Variants in ADAMTS13 observed in about 807,000 individuals in gnomAD.
ADAMTS13 encodes A disintegrin and metalloproteinase with thrombospondin motifs 13.
Under a neutral mutation model 155.1 loss-of-function variants are expected in ADAMTS13, and 110 were observed. The observed-to-expected ratio is 0.71, with a 90% CI of 0.61 to 0.83. The LOEUF is 0.83. ADAMTS13 is among the 40% of genes least tolerant of loss of function. The pLI is 0.00. For missense variants in ADAMTS13, 1,707 were observed against 1,891.7 expected (o/e 0.90, Z 1.81); for synonymous variants, 758 against 756.4 (o/e 1.00, Z -0.03).
chr9:133,429,013 A>G (rs1377242325), intron 7 of ADAMTS13, among the ~76,000 whole-genome samples: 26 of 128,286 alleles, frequency 2.0e-4, no homozygotes, highest in African/African-American at 7.5e-4. Flanking sequence ...GTCCGTCCCC[A>G]CCTCTCCCTA....
chr9:133,445,106 G>T lies in ADAMTS13; in HGVS notation c.2610+54G>T. The T allele has an allele frequency of 6.4e-7, 1 of 1,570,124 alleles. No homozygotes were observed. Reference sequence around the variant, plus strand: ...GGGCTGTTGAGTCCTTTACCTGGCTGGGAGAACGAGGAGCACCCATTGCCA... The same window carrying T: ...GGGCTGTTGAGTCCTTTACCTGGCTTGGAGAACGAGGAGCACCCATTGCCA... On this transcript the variant is annotated intron_variant, in intron 20 of 28. Transcript: ENST00000355699. The surrounding 1 kb of genome is among the most constrained non-coding windows in gnomAD (Gnocchi z 5.0).
chr9:133,425,307 C>T lies in ADAMTS13; in HGVS notation c.331-222C>T, dbSNP rs958139370. ...TCCCCTTGCTTTGGAGTTTGTTTTCCTTGCGTTAGTTGGCCTTCCTGAGCC... is the reference window on the plus strand; with the variant it reads ...TCCCCTTGCTTTGGAGTTTGTTTTCTTTGCGTTAGTTGGCCTTCCTGAGCC... On this transcript the variant is annotated intron_variant, in intron 3 of 28. Transcript: ENST00000355699. This position sits in a 1 kb window ranked among gnomAD's most constrained non-coding sequence, Gnocchi z 4.6. 6.6e-6 allele frequency among the ~76,000 whole-genome samples: 1 copy of T among 152,210 alleles called. No individual in the cohort carries two copies. Among genetic ancestry groups the T allele is most frequent in the African/African-American group, 2.4e-5 (1 of 41,452 alleles).
intron 11 of ADAMTS13, 51 bp from the exon 12 acceptor site, chr9:133,436,778 A>ACCCCCCCCCCCC (rs1588171611): frequency 6.0e-5 from 26 of 433,922 alleles, no homozygotes; most frequent in South Asian, 9.8e-5. Flanking sequence ...CAGTGACAAC[A>ACCCCCCCCCCCC]CCCGCCCCCC....
chr9:133,459,146 AC>A lies in ADAMTS13; in HGVS notation c.4085del (p.Pro1362LeufsTer14). 6.2e-7 allele frequency: 1 copy of A among 1,612,312 alleles called. No individual in the cohort carries two copies. Among genetic ancestry groups the A allele is most frequent in the Non-Finnish European group, 8.5e-7 (1 of 1,179,680 alleles). Reference sequence around the variant, plus strand: ...CAATCATGGGTACCGGAGATGCAGGACCCTCAGTCCTGGAAGGGAAAGGAAG... The same window carrying A: ...CAATCATGGGTACCGGAGATGCAGGACCTCAGTCCTGGAAGGGAAAGGAAG... ...TLQSWVPEMQ[D>X]PQSWKGKEGT On this transcript the variant is annotated frameshift_variant, in exon 29 of 29. Coordinates refer to ENST00000355699, the MANE Select transcript of ADAMTS13 (RefSeq NM_139027.6). LOFTEE classifies it low-confidence loss of function (END_TRUNC).
intron 13 of ADAMTS13, 90 bp downstream of exon 13, chr9:133,437,987 A>T: frequency 6.3e-7 from 1 of 1,596,614 alleles, no homozygotes; most frequent in Non-Finnish European, 8.5e-7. Flanking sequence ...GCTGGCCCTG[A>T]TGGAGCTGCA....
chr9:133,439,285 G>A (rs768476380), intron 14 of ADAMTS13, 81 bp from the exon 15 acceptor site: 227 of 1,143,086 alleles, frequency 2.0e-4, no homozygotes, highest in Middle Eastern at 3.9e-4. Context: ...AATTTTTCCC[G>A]ACCAGCTAAG....
At chr9:133,442,823 G>A (rs1841777010) in intron 18 of ADAMTS13, 80 bp downstream of exon 18, 1 of 1,516,352 alleles carries the variant, frequency 6.6e-7, no homozygotes, top group Non-Finnish European at 8.8e-7. Flanking sequence ...CCTGGCCTAT[G>A]GGGCCCATGT....
intron 6 of ADAMTS13, among the ~76,000 whole-genome samples, chr9:133,428,145 T>C (rs912629325): frequency 6.7e-6 from 1 of 148,256 alleles, no homozygotes; most frequent in African/African-American, 2.5e-5. Context: ...TGTGACAGTT[T>C]GGAAACGGTT....
At position 133,432,246 on chromosome 9, in the gene ADAMTS13, CAA is replaced by C. The variant is rs1840823350; in HGVS notation, c.988-341_988-340del. Among the ~76,000 whole-genome samples the C allele has an allele frequency of 1.1e-4, 17 of 151,840 alleles. No homozygotes were observed. The South Asian group carries it at 2.9e-3, about 26-fold the overall frequency. ...CGCCATTGCCCTCCAGCCTGGGCAA[CAA>C]GAGCGAAACTGTCTCAAAAAAAAAC... On this transcript the variant is annotated intron_variant, in intron 8 of 28. Transcript: ENST00000355699.
At chr9:133,455,577 G>A (rs782053981) in intron 25 of ADAMTS13, 142 bp downstream of exon 25, 3 of 1,605,506 alleles carry the variant, frequency 1.9e-6, no homozygotes, top group South Asian at 1.1e-5. Context: ...CTCCTGCCCG[G>A]GCCCCAGGAA....
At position 133,433,715 on chromosome 9, in the gene ADAMTS13, T is replaced by C. The variant is rs782433923; in HGVS notation, c.1308+11T>C. The C allele has an allele frequency of 7.4e-6, 12 of 1,612,666 alleles. No homozygotes were observed. Among genetic ancestry groups the C allele is most frequent in the Non-Finnish European group, 1.0e-5 (12 of 1,179,964 alleles). ...ATGTGCAACACTCAGGTAGGCCTGCTTCCTGGGGTAGGAGGGGGCAGCTGG... is the reference window on the plus strand; with the variant it reads ...ATGTGCAACACTCAGGTAGGCCTGCCTCCTGGGGTAGGAGGGGGCAGCTGG... On this transcript the variant is annotated intron_variant, in intron 11 of 28. Coordinates refer to ENST00000355699, the MANE Select transcript of ADAMTS13 (RefSeq NM_139027.6).
At chr9:133,436,197 C>T (rs1039120011) in intron 11 of ADAMTS13, among the ~76,000 whole-genome samples, 2 of 151,876 alleles carry the variant, frequency 1.3e-5, no homozygotes, top group Non-Finnish European at 2.9e-5. Context: ...TAAATTCTAT[C>T]TCCTGCTTCG....
At chr9:133,423,960 T>C (rs1193831147) in intron 2 of ADAMTS13, among the ~76,000 whole-genome samples, 1 of 152,248 alleles carries the variant, frequency 6.6e-6, no homozygotes, top group African/African-American at 2.4e-5. Flanking sequence ...AAGAGACCAC[T>C]GGGCTCCACT....
chr9:133,430,342 G>C (rs935266108), intron 8 of ADAMTS13, among the ~76,000 whole-genome samples: 7 of 152,316 alleles, frequency 4.6e-5, no homozygotes, highest in African/African-American at 1.7e-4. Flanking sequence ...GTCCTGGGAG[G>C]GCCCCTGTGC....
rs201687626 is a variant in ADAMTS13 at position 133,459,011 on chromosome 9, A to T, written c.3947A>T (p.His1316Leu). The T allele has an allele frequency of 1.9e-6, 3 of 1,613,214 alleles. No individual in the cohort carries two copies. The highest frequency in any genetic ancestry group is 2.5e-6 in the Non-Finnish European group (3 of 1,179,978). ...CACAGCTTGAGGACCACAGCGTTCC[A>T]TGGGCAGCAGGTGCTCTACTGGGAG... ...DTHSLRTTAFHGQQVLYWESE... is the reference protein window; with the variant it reads ...DTHSLRTTAFLGQQVLYWESE... The change falls in exon 29 of 29, where the codon CAT becomes CTT. Residue 1316 changes from histidine to leucine, a missense_variant. Around this residue, in one of 3 missense-constraint regions of ADAMTS13, gnomAD observed 961 missense variants for 1,107.9 expected, o/e 0.87. Transcript: ENST00000355699.
In ADAMTS13 at chr9:133,459,062, A is replaced by C; in HGVS notation, c.3998A>C (p.Glu1333Ala). 1 of 1,612,996 alleles carries C rather than the reference A, an allele frequency of 6.2e-7. No individual in the cohort carries two copies. The highest frequency in any genetic ancestry group is 1.1e-5 in the South Asian group (1 of 91,034). Residue 1333 changes from glutamate to alanine, a missense_variant, in exon 29 of 29, where the codon GAG (glutamate) becomes GCG (alanine). This residue lies in a region of ADAMTS13 where 961 missense variants were observed against 1,107.9 expected (regional missense o/e 0.87). Transcript: ENST00000355699. ...TCAGAGAGCAGCCAGGCTGAGATGG[A>C]GTTCAGCGAGGGCTTCCTGAAGGCT... is the stretch of plus-strand genomic sequence containing the variant. Reference protein sequence around the residue: ...WESESSQAEMEFSEGFLKAQA... With the variant: ...WESESSQAEMAFSEGFLKAQA...
At chr9:133,452,961 G>C (rs986913122) in intron 23 of ADAMTS13, among the ~76,000 whole-genome samples, 1 of 152,110 alleles carries the variant, frequency 6.6e-6, no homozygotes, top group Non-Finnish European at 1.5e-5. Flanking sequence ...CCCCAGGCTC[G>C]GCTCAGACAC....
At chr9:133,443,808 C>T (rs1841870245) in intron 19 of ADAMTS13, among the ~76,000 whole-genome samples, 1 of 152,094 alleles carries the variant, frequency 6.6e-6, no homozygotes, top group African/African-American at 2.4e-5. Context: ...AATGGGGATG[C>T]CGACCTGCCT....
chr9:133,415,133 A>T, intron 1 of ADAMTS13: 1 of 729,924 alleles, frequency 1.4e-6, no homozygotes, highest in Non-Finnish European at 2.2e-6. Context: ...TACAATTCCC[A>T]TCCGCATCAC....
Sources: allele counts gnomAD v4.1 joint callset (sites outside exome capture counted in the v4.1 genomes callset), GRCh38; gene constraint gnomAD v4.1.1; regional missense constraint gnomAD v4.1.1; non-coding constraint Gnocchi (gnomAD v3.1); transcripts MANE v1.5; gene names NCBI Gene and HGNC (gene_info 2026-07-23, HGNC 2026-07-21).